The following PARD3 variants were observed in gnomAD, a reference collection of about 807,000 sequenced individuals.
PARD3 encodes par-3 family cell polarity regulator.
Under a neutral mutation model 155.4 loss-of-function variants are expected in PARD3, and 75 were observed. The observed-to-expected ratio is 0.48, with a 90% confidence interval of 0.40 to 0.58. The LOEUF (loss-of-function observed/expected upper bound fraction) is 0.58, where lower values mean the gene tolerates loss of function less well. PARD3 is among the 20% of genes least tolerant of loss of function. The pLI, the probability that PARD3 is intolerant of heterozygous loss-of-function variation, is 0.00. For missense variants in PARD3, 1,642 were observed against 1,721.7 expected (o/e 0.95, Z 0.82); for synonymous variants, 576 against 610.5 (o/e 0.94, Z 0.83).
chr10:34,666,304 C>A (rs2093469983), intron 2 of PARD3, among the ~76,000 whole-genome samples: 1 of 152,020 alleles, frequency 6.6e-6, no homozygotes, highest in Non-Finnish European at 1.5e-5. Flanking sequence ...CATATTCATA[C>A]CATGCTGACT....
At position 34,516,970 on chromosome 10, in the gene PARD3, T is replaced by G. The variant is rs763478434; in HGVS notation, c.403+9A>C. On this transcript the variant is annotated intron_variant, in intron 3 of 24. Coordinates refer to ENST00000374788, the MANE Select transcript of PARD3 (RefSeq NM_001184785.2). ...ATGAAATGGAAGAGAAGAAAGAGCT[T>G]TCACTTACTTGCTCGAAGGACTGAA... 8.7e-6 allele frequency: 14 copies of G among 1,611,560 alleles called. No homozygotes were observed. Among genetic ancestry groups the G allele is most frequent in the Admixed American group, 8.4e-5 (5 of 59,782 alleles).
chr10:34,808,285 G>C (rs1219203888), intron 1 of PARD3, among the ~76,000 whole-genome samples: 1 of 152,124 alleles, frequency 6.6e-6, no homozygotes, highest in Non-Finnish European at 1.5e-5. Context: ...CTTCACTCCA[G>C]CCTGGGTGAC....
At chr10:34,241,185 C>A (rs1345069111) in intron 22 of PARD3, among the ~76,000 whole-genome samples, 1 of 152,182 alleles carries the variant, frequency 6.6e-6, no homozygotes, top group Non-Finnish European at 1.5e-5. Context: ...GTGCTTTAGA[C>A]AGGACATCAG....
Position 34,189,110 on chromosome 10 carries a change from T to C in PARD3, c.3420-57527A>G, listed in dbSNP as rs188588663. On this transcript the variant is annotated intron_variant, in intron 22 of 24. Coordinates refer to ENST00000374788, the MANE Select transcript of PARD3 (RefSeq NM_001184785.2). ...GCTTTGGGAGGCTGAGGTGGGAGGGTTGCCTGAGGCCAAGAGCTCAAGACA... is the reference window on the plus strand; with the variant it reads ...GCTTTGGGAGGCTGAGGTGGGAGGGCTGCCTGAGGCCAAGAGCTCAAGACA... Among the ~76,000 whole-genome samples, 161 of 151,860 alleles carry C rather than the reference T, an allele frequency of 1.1e-3. 1 individual carries two copies. Among genetic ancestry groups the C allele is most frequent in the African/African-American group, 3.3e-3 (138 of 41,418 alleles).
chr10:34,673,114 A>G (rs753036945), intron 2 of PARD3, among the ~76,000 whole-genome samples: 1 of 150,512 alleles, frequency 6.6e-6, no homozygotes, highest in Admixed American at 6.6e-5. Context: ...CCATTTCTGG[A>G]AAAAAAAAAT....
chr10:34,475,926 GA>G (rs2078677894), intron 3 of PARD3, among the ~76,000 whole-genome samples: 1 of 152,036 alleles, frequency 6.6e-6, no homozygotes, highest in Non-Finnish European at 1.5e-5. Context: ...TATTTCAAAT[GA>G]AAACGCTGTT....
chr10:34,179,694 G>A (rs999934418), intron 22 of PARD3, among the ~76,000 whole-genome samples: 3 of 152,114 alleles, frequency 2.0e-5, no homozygotes, highest in African/African-American at 2.4e-5. Flanking sequence ...TGAATCCAGC[G>A]AAGCTACACA....
At chr10:34,489,775 G>T (rs2079763080) in intron 3 of PARD3, among the ~76,000 whole-genome samples, 1 of 152,298 alleles carries the variant, frequency 6.6e-6, no homozygotes, top group Non-Finnish European at 1.5e-5. Context: ...CATTTGTTGA[G>T]CATTCACTAT....
intron 2 of PARD3, among the ~76,000 whole-genome samples, chr10:34,553,054 T>C (rs2084713002): frequency 6.6e-6 from 1 of 152,174 alleles, no homozygotes; most frequent in Non-Finnish European, 1.5e-5. Context: ...CAACGTACTA[T>C]GTGATTGTAC....
chr10:34,280,129 A>G (rs1432967901), intron 21 of PARD3, among the ~76,000 whole-genome samples: 2 of 152,196 alleles, frequency 1.3e-5, no homozygotes, highest in East Asian at 3.8e-4. Flanking sequence ...AAATTTGGCC[A>G]GATATCATAG....
intron 5 of PARD3, among the ~76,000 whole-genome samples, chr10:34,435,194 GA>G (rs537773241): frequency 5.3e-4 from 80 of 150,592 alleles, no homozygotes; most frequent in African/African-American, 1.5e-3. Flanking sequence ...CAAATAACAG[GA>G]AAAAAAAAGG....
In PARD3 at chr10:34,496,337, G is replaced by A. The variant is rs114904716; in HGVS notation, c.403+20642C>T. Among the ~76,000 whole-genome samples, 1,409 of 152,210 alleles carry A rather than the reference G, an allele frequency of 9.3e-3. 22 individuals are homozygous for A. The highest frequency in any genetic ancestry group is 0.032 in the African/African-American group (1,336 of 41,530). ...AGTAACTGGCAAGAATAGCTGAGAA[G>A]GAAAAGTTTCTGTTTATAGAAATAT... is the stretch of plus-strand genomic sequence containing the variant. On this transcript the variant is annotated intron_variant, in intron 3 of 24. Transcript: ENST00000374788.
At chr10:34,520,048 A>G (rs893885386) in intron 2 of PARD3, among the ~76,000 whole-genome samples, 2 of 152,114 alleles carry the variant, frequency 1.3e-5, no homozygotes, top group Non-Finnish European at 2.9e-5. Flanking sequence ...CTCCAATCCA[A>G]GCTTTTTCAA....
chr10:34,119,504 AG>A, intron 24 of PARD3, 108 bp downstream of exon 24: 2 of 1,136,464 alleles, frequency 1.8e-6, no homozygotes, highest in East Asian at 5.2e-5. Context: ...TGTTGCTACC[AG>A]GGGCAAGCTG....
In PARD3 at chr10:34,363,472, T is replaced by C. The variant is rs1839658836; in HGVS notation, c.1708-3213A>G. On this transcript the variant is annotated intron_variant, in intron 12 of 24. Transcript: ENST00000374788. ...CTATTAATCCATTTGGCTTTTGACA[T>C]AGACAGAAATTAATGCCAGCTTTTA... Among the ~76,000 whole-genome samples the C allele has an allele frequency of 2.0e-5, 3 of 152,322 alleles. No individual in the cohort carries two copies. In the South Asian group the frequency reaches 6.2e-4, roughly 32 times the overall value.
At position 34,401,861 on chromosome 10, in the gene PARD3, G is replaced by A. The variant is rs1188984530; in HGVS notation, c.771C>T (p.Asp257=). 2 of 1,613,570 alleles carry A rather than the reference G, an allele frequency of 1.2e-6. No individual in the cohort carries two copies. Among genetic ancestry groups the A allele is most frequent in the South Asian group, 2.2e-5 (2 of 91,070 alleles). The change falls in exon 6 of 25, where the codon GAC becomes GAT. Residue 257 remains aspartate (D), a synonymous_variant. Transcript: ENST00000374788. ...AGTTGGGTATATGCTCCAAACCCGT[G>A]TCAGCATGTCCAACAGGTTCAACAC... ...NSRVEPVGHA[D]TGLEHIPNFS...
chr10:34,659,660 C>G (rs2093272794), intron 2 of PARD3, among the ~76,000 whole-genome samples: 1 of 152,186 alleles, frequency 6.6e-6, no homozygotes, highest in Admixed American at 6.5e-5. Context: ...AATCAATTTA[C>G]ATTTTTAATG....
chr10:34,555,163 T>G (rs1334613776), intron 2 of PARD3, among the ~76,000 whole-genome samples: 4 of 152,196 alleles, frequency 2.6e-5, no homozygotes, highest in African/African-American at 9.7e-5. Context: ...GTAACAAATG[T>G]TCCACTGTGG....
At chr10:34,142,588 G>C (rs1379137542) in intron 22 of PARD3, among the ~76,000 whole-genome samples, 1 of 150,522 alleles carries the variant, frequency 6.6e-6, no homozygotes, top group African/African-American at 2.4e-5. Flanking sequence ...GAAGCGGGGG[G>C]CAGGGAGGGA....
Sources: allele counts gnomAD v4.1 joint callset (sites outside exome capture counted in the v4.1 genomes callset), GRCh38; gene constraint gnomAD v4.1.1; transcripts MANE v1.5; gene names NCBI Gene and HGNC (gene_info 2026-07-23, HGNC 2026-07-21).